The following CCDC174 variants were observed in gnomAD, a reference collection of about 807,000 sequenced individuals.
CCDC174 encodes coiled-coil domain-containing protein 174.
A neutral mutation model predicts 57.1 loss-of-function variants in CCDC174; 37 were observed. The observed-to-expected ratio is 0.65, with a 90% CI of 0.50 to 0.85. The LOEUF is 0.85. Among genes scored for constraint, CCDC174 ranks in the 40% least tolerant of loss-of-function variants. The probability of loss-of-function intolerance (pLI) is 0.00; values close to 1 mark genes in which losing one functional copy is unlikely to be tolerated. For synonymous variants in CCDC174, 182 were observed against 190.2 expected, an observed-to-expected ratio of 0.96 and a Z score of 0.35; for missense variants, 540 against 574.3, an observed-to-expected ratio of 0.94 and a Z score of 0.61.
intron 1 of CCDC174, among the ~76,000 whole-genome samples, chr3:14,653,731 T>C (rs2124828653): frequency 6.6e-6 from 1 of 152,268 alleles, no homozygotes; most frequent in South Asian, 2.1e-4. Context: ...TCAGCCAAGC[T>C]TACGGTTTTT....
Position 14,666,897 on chromosome 3 carries a change from C to T in CCDC174, c.674C>T (p.Ala225Val). The part of the protein sequence containing the change: ...RQQWEEEERE[A>V]LKRPMGPVHY... The stretch of plus-strand genomic sequence containing the variant: ...CAATGGGAGGAAGAAGAAAGAGAGG[C>T]CCTGAAGAGGCCCATGGGGCCCGTA... Residue 225 changes from alanine to valine, a missense_variant, in exon 7 of 11, where the codon GCC becomes GTC. Transcript: ENST00000383794. 1 of 1,606,588 alleles carries T rather than the reference C, an allele frequency of 6.2e-7. No homozygotes were observed. Among genetic ancestry groups the T allele is most frequent in the Non-Finnish European group, 8.5e-7 (1 of 1,177,818 alleles).
chr3:14,662,312 A>G (rs2031166103), intron 5 of CCDC174, among the ~76,000 whole-genome samples: 1 of 151,890 alleles, frequency 6.6e-6, no homozygotes, highest in African/African-American at 2.4e-5. Flanking sequence ...CCTCATTCCC[A>G]TGGCCCTTTG....
At chr3:14,656,672 A>T (rs1033564961) in intron 3 of CCDC174, among the ~76,000 whole-genome samples, 1 of 152,212 alleles carries the variant, frequency 6.6e-6, no homozygotes, top group African/African-American at 2.4e-5. Context: ...CTGTGTGAAT[A>T]TCCTCTTCAC....
Position 14,668,045 on chromosome 3 carries a change from TC to T in CCDC174, c.820-3del. On this transcript the variant is annotated splice_region_variant and splice_polypyrimidine_tract_variant and intron_variant, in intron 8 of 10. Transcript: ENST00000383794. ...AGCAAATAATTTTCTGATTTTCTGT[TC>T]AGACAACAGATCAGAGAACAAAACG... is the stretch of plus-strand genomic sequence containing the variant. 2 of 1,569,042 alleles carry T rather than the reference TC, an allele frequency of 1.3e-6. No homozygotes were observed. Among genetic ancestry groups the T allele is most frequent in the East Asian group, 4.6e-5 (2 of 43,510 alleles).
intron 10 of CCDC174, among the ~76,000 whole-genome samples, chr3:14,670,411 GA>G (rs1460461784): frequency 6.6e-6 from 1 of 152,190 alleles, no homozygotes; most frequent in East Asian, 1.9e-4. Context: ...AGCCTCTCTG[GA>G]AGACTATGGT....
chr3:14,665,240 T>C, intron 6 of CCDC174, 117 bp downstream of exon 6: 2 of 653,458 alleles, frequency 3.1e-6, no homozygotes, highest in South Asian at 3.6e-5. Context: ...TAAGGAGATA[T>C]TGATTGATTG....
chr3:14,651,920 C>T (rs1650488332), intron 1 of CCDC174, 42 bp downstream of exon 1: 1 of 1,595,918 alleles, frequency 6.3e-7, no homozygotes, highest in African/African-American at 1.3e-5. Flanking sequence ...TCCGGGTTCA[C>T]CGTGTCTCCA....
rs2031493597 is a variant in CCDC174 at position 14,671,062 on chromosome 3, C to T, written c.1272C>T (p.Cys424=). 2 of 1,614,152 alleles carry T rather than the reference C, an allele frequency of 1.2e-6. No homozygotes were observed. The highest frequency in any genetic ancestry group is 8.5e-7 in the Non-Finnish European group (1 of 1,180,026). ...PGPAQSDPGQ[C]PDQSHGPSPE... is the part of the protein sequence containing the mutation. Reference sequence around the variant, plus strand: ...CAGCACAGAGTGACCCAGGGCAGTGCCCTGACCAGAGCCACGGACCTAGCC... The same window carrying T: ...CAGCACAGAGTGACCCAGGGCAGTGTCCTGACCAGAGCCACGGACCTAGCC... Residue 424 remains cysteine, a synonymous_variant, in exon 11 of 11, where the codon TGC becomes TGT. Transcript: ENST00000383794.
At chr3:14,669,851 C>T in intron 9 of CCDC174, 83 bp from the exon 10 acceptor site, 1 of 1,410,262 alleles carries the variant, frequency 7.1e-7, no homozygotes, top group South Asian at 1.2e-5. Context: ...GTTACTTTTA[C>T]TTTCAGGATT....
chr3:14,656,783 A>C (rs549104238), intron 3 of CCDC174, among the ~76,000 whole-genome samples: 59 of 152,306 alleles, frequency 3.9e-4, no homozygotes, highest in Middle Eastern at 3.4e-3. Context: ...TAATTCTGTC[A>C]TTCCATCTTT....
intron 5 of CCDC174, chr3:14,661,936 C>G (rs2031153567): frequency 2.2e-6 from 1 of 450,620 alleles, no homozygotes; most frequent in Admixed American, 4.0e-5. Context: ...ATTACAAATA[C>G]TGACTGGGCT....
chr3:14,656,063 T>A (rs990457804), intron 3 of CCDC174, among the ~76,000 whole-genome samples: 1 of 152,176 alleles, frequency 6.6e-6, no homozygotes, highest in Non-Finnish European at 1.5e-5. Flanking sequence ...TCTCTCTCTC[T>A]TACACACACA....
At chr3:14,661,360 G>A (rs959717978) in intron 4 of CCDC174, among the ~76,000 whole-genome samples, 170 bp from the exon 5 acceptor site, 1 of 152,136 alleles carries the variant, frequency 6.6e-6, no homozygotes, top group Non-Finnish European at 1.5e-5. Flanking sequence ...TGTAGTATAT[G>A]TCAGTTCCCA....
At chr3:14,667,993 G>T in intron 8 of CCDC174, 56 bp from the exon 9 acceptor site, 1 of 1,525,712 alleles carries the variant, frequency 6.6e-7, no homozygotes, top group South Asian at 1.3e-5. Flanking sequence ...CATCTTTTTG[G>T]ACAGGAATAT....
intron 3 of CCDC174, among the ~76,000 whole-genome samples, chr3:14,656,713 A>G (rs955211770): frequency 2.0e-5 from 3 of 152,232 alleles, no homozygotes; most frequent in African/African-American, 7.2e-5. Context: ...ATTTGTTATC[A>G]TTGATGAATC....
intron 1 of CCDC174, among the ~76,000 whole-genome samples, 173 bp downstream of exon 1, chr3:14,652,051 TCTTACAG>T (rs1424690382): frequency 6.6e-6 from 1 of 152,164 alleles, no homozygotes; most frequent in African/African-American, 2.4e-5. Context: ...GGTTCAGTTT[TCTTACAG>T]GACCCTGAAT....
chr3:14,666,927 A>T lies in CCDC174; in HGVS notation c.704A>T (p.Tyr235Phe), dbSNP rs766201512. ...ALKRPMGPVHYEDIRENEARQ... is the reference protein window; with the variant it reads ...ALKRPMGPVHFEDIRENEARQ... Reference sequence around the variant, plus strand: ...AAGAGGCCCATGGGGCCCGTACATTATGAAGACATTCGGGAAAATGGTATG... The same window carrying T: ...AAGAGGCCCATGGGGCCCGTACATTTTGAAGACATTCGGGAAAATGGTATG... Residue 235 changes from tyrosine to phenylalanine, a missense_variant, in exon 7 of 11, where the codon TAT becomes TTT. By Grantham distance (22) the Tyr-to-Phe change is conservative. Coordinates refer to ENST00000383794, the MANE Select transcript of CCDC174 (RefSeq NM_016474.5). 6.3e-7 allele frequency: 1 copy of T among 1,582,772 alleles called. No homozygotes were observed. Among genetic ancestry groups the T allele is most frequent in the South Asian group, 1.2e-5 (1 of 84,932 alleles).
intron 8 of CCDC174, 105 bp downstream of exon 8, chr3:14,667,623 A>G: frequency 3.5e-6 from 3 of 850,046 alleles, no homozygotes; most frequent in South Asian, 1.6e-5. Flanking sequence ...ATTAAAATTG[A>G]TATTCAGAAT....
rs1305687005 is a variant in CCDC174, at chr3:14,655,627, A to C, written c.246A>C (p.Ala82=). ...AAGAACAGAAGACTTTAGACAAAGC[A>C]AGGTAAAGTTATAAGCTCTGGTAAA... ...KIEEQKTLDK[A]REKLEEKAKL... Residue 82 remains alanine, a splice_region_variant and synonymous_variant, in exon 3 of 11, where the codon GCA becomes GCC. Coordinates refer to ENST00000383794, the MANE Select transcript of CCDC174 (RefSeq NM_016474.5). The C allele has an allele frequency of 6.3e-7, 1 of 1,597,274 alleles. No individual in the cohort carries two copies. Among genetic ancestry groups the C allele is most frequent in the Non-Finnish European group, 8.6e-7 (1 of 1,168,494 alleles).
Sources: gnomAD v4.1 joint callset for allele counts (sites outside exome capture counted in the v4.1 genomes callset) on GRCh38, gnomAD v4.1.1 for gene constraint, MANE v1.5 for transcripts, NCBI Gene and HGNC (gene_info 2026-07-23, HGNC 2026-07-21) for gene names.